The following NEBL variants were observed in gnomAD, a reference collection of about 807,000 sequenced individuals.
The protein encoded by NEBL is LIM and SH3 protein 2.
A neutral mutation model predicts 140.2 loss-of-function variants in NEBL; 122 were observed. The observed-to-expected ratio is 0.87, with a 90% CI of 0.75 to 1.01. The LOEUF is 1.01. NEBL is among the 50% of genes least tolerant of loss of function. NEBL has a pLI of 0.00. For synonymous variants in NEBL, 436 were observed against 398.9 expected (o/e 1.09, Z -1.11); for missense variants, 1,365 against 1,231.3 (o/e 1.11, Z -1.62).
chr10:21,243,401 G>A (rs560386750), intron 3 of NEBL, among the ~76,000 whole-genome samples: 63 of 150,658 alleles, frequency 4.2e-4, no homozygotes, highest in Non-Finnish European at 7.2e-4. Flanking sequence ...CTGCCTCCCA[G>A]GTTCAAGCAA....
At chr10:21,019,516 G>A (rs555726200) in intron 3 of NEBL, among the ~76,000 whole-genome samples, 3 of 152,354 alleles carry the variant, frequency 2.0e-5, no homozygotes, top group East Asian at 3.9e-4. Context: ...AAAAGATCAA[G>A]TGTCCCTGCA....
In NEBL at chr10:21,130,468, A is replaced by G. The variant is rs78373003; in HGVS notation, c.164+41915T>C. Among the ~76,000 whole-genome samples the G allele has an allele frequency of 8.5e-5, 13 of 152,326 alleles. No individual in the cohort carries two copies. In the East Asian group the frequency reaches 2.5e-3, roughly 29 times the overall value. On this transcript the variant is annotated intron_variant, in intron 2 of 6. Coordinates refer to the NEBL transcript ENST00000417816. Reference sequence around the variant, plus strand: ...GAATACACACTCTTTTCAAACCCACATGAGACATTCACCAAGACAGACCAC... The same window carrying G: ...GAATACACACTCTTTTCAAACCCACGTGAGACATTCACCAAGACAGACCAC...
intron 3 of NEBL, among the ~76,000 whole-genome samples, chr10:21,202,461 CT>C (rs35623208): frequency 0.018 from 2,061 of 117,284 alleles, 23 homozygotes; most frequent in African/African-American, 0.057. Flanking sequence ...TTTTCTTTTT[CT>C]TTTTTTTTTT....
chr10:20,843,140 A>C (rs1266120733), intron 12 of NEBL, among the ~76,000 whole-genome samples: 4 of 152,040 alleles, frequency 2.6e-5, no homozygotes, highest in Non-Finnish European at 4.4e-5. Flanking sequence ...GACTCCCTTG[A>C]TAAGATTAAT....
At chr10:21,110,735 A>G (rs1164900220) in intron 2 of NEBL, 3 of 504,064 alleles carry the variant, frequency 6.0e-6, no homozygotes, top group Non-Finnish European at 1.2e-5. Flanking sequence ...AGAACCAACA[A>G]AGATTATCGC....
At position 21,002,357 on chromosome 10, in the gene NEBL, T is replaced by G. The variant is rs111416384; in HGVS notation, c.249+17760A>C. On this transcript the variant is annotated intron_variant, in intron 3 of 6. Coordinates refer to the NEBL transcript ENST00000417816. ...CACCAGAATTCAGTCATCTAGCACT[T>G]ACTCACCACCTACTACCTAAACCTT... Among the ~76,000 whole-genome samples the G allele has an allele frequency of 1.6e-3, 246 of 152,330 alleles. 1 individual carries two copies. Among genetic ancestry groups the G allele is most frequent in the African/African-American group, 5.6e-3 (232 of 41,570 alleles).
chr10:20,795,166 G>A (rs1439955133), intron 26 of NEBL, among the ~76,000 whole-genome samples: 2 of 152,178 alleles, frequency 1.3e-5, no homozygotes, highest in Non-Finnish European at 2.9e-5. Context: ...GATTCTAGGA[G>A]TAAGAAGACT....
chr10:21,067,876 G>A (rs910660290), intron 2 of NEBL, among the ~76,000 whole-genome samples: 2 of 152,172 alleles, frequency 1.3e-5, no homozygotes, highest in African/African-American at 4.8e-5. Context: ...CTACTCAGGA[G>A]GCTGAGGCAG....
At chr10:21,051,581 G>T (rs1399080946) in intron 2 of NEBL, among the ~76,000 whole-genome samples, 1 of 152,032 alleles carries the variant, frequency 6.6e-6, no homozygotes, top group Non-Finnish European at 1.5e-5. Flanking sequence ...AGGAAGAAAG[G>T]AATAGAGAAA....
chr10:21,029,006 C>T, intron 2 of NEBL: 2 of 665,560 alleles, frequency 3.0e-6, no homozygotes, highest in Admixed American at 2.6e-5. Context: ...AACATGGCGG[C>T]CTCAGCAAAA....
Position 20,783,833 on chromosome 10 carries a change from C to G in NEBL, c.*1914G>C, listed in dbSNP as rs1835184153. 1.3e-5 allele frequency: 2 copies of G among 152,540 alleles called. No homozygotes were observed. The allele number at this position is 152,540 out of a possible 1,614,324, so 9.4% of individuals were successfully genotyped here. A position where few individuals can be genotyped will look rare whatever the true frequency, so the allele number is the denominator to read the frequency against. Reference sequence around the variant, plus strand: ...CCAAAACAGATATGGGGTTTTATCACTTTAATCACGACTGGCCATTTCAGT... The same window carrying G: ...CCAAAACAGATATGGGGTTTTATCAGTTTAATCACGACTGGCCATTTCAGT... On this transcript the variant is annotated 3_prime_UTR_variant, in exon 28 of 28. Coordinates refer to ENST00000377122, the MANE Select transcript of NEBL (RefSeq NM_006393.3).
chr10:21,182,003 C>CCG (rs1277939461), intron 3 of NEBL, among the ~76,000 whole-genome samples: 2 of 152,144 alleles, frequency 1.3e-5, no homozygotes, highest in African/African-American at 4.8e-5. Flanking sequence ...GGCACAGGGA[C>CCG]CGCCCATCAG....
In NEBL at chr10:21,172,904, G is replaced by A. The variant is rs545216731; in HGVS notation, c.70-427C>T. 5.9e-5 allele frequency among the ~76,000 whole-genome samples: 9 copies of A among 152,260 alleles called. No homozygotes were observed. The East Asian group carries it at 1.7e-3, about 29-fold the overall frequency. ...TCACCCGAAGTCAGGCAAGCTGAGGGGGCTGCACGAGAGCTATGTAAGTAC... is the reference window on the plus strand; with the variant it reads ...TCACCCGAAGTCAGGCAAGCTGAGGAGGCTGCACGAGAGCTATGTAAGTAC... On this transcript the variant is annotated intron_variant, in intron 1 of 6. Transcript: ENST00000417816.
intron 3 of NEBL, among the ~76,000 whole-genome samples, chr10:21,214,504 A>G (rs200066237): frequency 2.6e-5 from 4 of 151,708 alleles, no homozygotes; most frequent in South Asian, 2.1e-4. Flanking sequence ...ACACACATGC[A>G]CACACATGCA....
At chr10:20,833,088 C>T (rs1309747887) in intron 14 of NEBL, among the ~76,000 whole-genome samples, 1 of 152,140 alleles carries the variant, frequency 6.6e-6, no homozygotes, top group African/African-American at 2.4e-5. Context: ...TAAATGTGTT[C>T]TAAAGCACAT....
chr10:21,260,587 C>T (rs184664462), intron 1 of NEBL, among the ~76,000 whole-genome samples: 1 of 152,284 alleles, frequency 6.6e-6, no homozygotes, highest in African/African-American at 2.4e-5. Context: ...AAGCCCCAGG[C>T]TCTGAATCAC....
intron 2 of NEBL, among the ~76,000 whole-genome samples, chr10:21,144,254 A>G (rs570419762): frequency 4.1e-4 from 63 of 152,336 alleles, no homozygotes; most frequent in African/African-American, 1.5e-3. Context: ...ATTAGGTAAC[A>G]CCTGCAGATG....
intron 3 of NEBL, among the ~76,000 whole-genome samples, chr10:20,963,278 A>G (rs2131621572): frequency 6.6e-6 from 1 of 152,228 alleles, no homozygotes; most frequent in East Asian, 1.9e-4. Context: ...TTTAATGCCT[A>G]ACTAAGCAGG....
At chr10:20,821,975 G>A (rs537899004) in intron 19 of NEBL, among the ~76,000 whole-genome samples, 15 of 152,054 alleles carry the variant, frequency 9.9e-5, no homozygotes, top group South Asian at 2.1e-4. Context: ...TAACTCCAAC[G>A]TTACCCCTTC....
Sources: allele counts gnomAD v4.1 joint callset (sites outside exome capture counted in the v4.1 genomes callset), GRCh38; gene constraint gnomAD v4.1.1; transcripts MANE v1.5; gene names NCBI Gene and HGNC (gene_info 2026-07-23, HGNC 2026-07-21).